PCDHGB3: variants seen among roughly 807,000 people sequenced by gnomAD.
The protein encoded by PCDHGB3 is protocadherin gamma-B3.
In PCDHGB3, 40 loss-of-function variants were observed where a neutral mutation model predicts 59.2. The ratio of observed to expected loss-of-function variants is 0.68; its 90% CI spans 0.52 to 0.88. PCDHGB3 has a LOEUF of 0.88. Among genes scored for constraint, PCDHGB3 ranks in the 40% least tolerant of loss-of-function variants. The pLI is 0.00. For missense variants in PCDHGB3, 1,309 were observed against 1,187.9 expected (o/e 1.10, Z -1.50); for synonymous variants, 581 against 503.6 (o/e 1.15, Z -2.06).
At chr5:141,417,900 G>T (rs563876979) in intron 1 of PCDHGB3, 1 of 1,583,452 alleles carries the variant, frequency 6.3e-7, no homozygotes, top group African/African-American at 1.3e-5. Flanking sequence ...GCCGGCCCGC[G>T]GCAGGTACTA....
intron 1 of PCDHGB3, chr5:141,433,178 A>G: frequency 6.2e-7 from 1 of 1,608,316 alleles, no homozygotes. Context: ...TCATGGGTTA[A>G]TTGAGGTGAG....
At position 141,371,281 on chromosome 5, in the gene PCDHGB3, G is replaced by A; in HGVS notation, c.887G>A (p.Ser296Asn). ...KEVRQLFKLD[S>N]KTGELTTIGE... ...GTGAGACAACTGTTCAAGCTGGACA[G>A]TAAAACGGGGGAACTCACCACTATT... The change falls in exon 1 of 4, where the codon AGT (serine) becomes AAT (asparagine). Residue 296 changes from serine to asparagine, a missense_variant. Coordinates refer to ENST00000576222, the MANE Select transcript of PCDHGB3 (RefSeq NM_018924.5). The A allele has an allele frequency of 6.2e-7, 1 of 1,614,034 alleles. No homozygotes were observed. Among genetic ancestry groups the A allele is most frequent in the Non-Finnish European group, 8.5e-7 (1 of 1,179,892 alleles).
intron 1 of PCDHGB3, among the ~76,000 whole-genome samples, chr5:141,382,076 G>T (rs185685959): frequency 6.6e-6 from 1 of 152,032 alleles, no homozygotes; most frequent in Non-Finnish European, 1.5e-5. Context: ...TGATCCGCCC[G>T]CCTCGGCCTC....
intron 1 of PCDHGB3, chr5:141,419,303 G>A (rs1561779463): frequency 1.2e-6 from 2 of 1,613,970 alleles, no homozygotes; most frequent in Non-Finnish European, 1.7e-6. Flanking sequence ...CCCAGACTTC[G>A]GGCTCAACGG....
intron 1 of PCDHGB3, chr5:141,418,301 C>T: frequency 6.2e-7 from 1 of 1,613,980 alleles, no homozygotes; most frequent in South Asian, 1.1e-5. Context: ...ATCCGTCAGC[C>T]TGGGGATGGG....
chr5:141,419,148 C>G, intron 1 of PCDHGB3: 1 of 1,613,940 alleles, frequency 6.2e-7, no homozygotes. Flanking sequence ...AGGGGCAAGC[C>G]TCCGTTATCC....
intron 1 of PCDHGB3, chr5:141,426,793 A>G: frequency 2.2e-6 from 1 of 456,734 alleles, no homozygotes; most frequent in South Asian, 1.5e-5. Context: ...CAGAGTTACC[A>G]GCTCAGTTCT....
intron 1 of PCDHGB3, chr5:141,385,402 T>A: frequency 6.7e-7 from 1 of 1,488,784 alleles, no homozygotes; most frequent in Non-Finnish European, 8.9e-7. Context: ...AACAAATGTT[T>A]TGAAAATAGG....
Position 141,371,516 on chromosome 5 carries a change from A to C in PCDHGB3, c.1122A>C (p.Leu374=). The C allele has an allele frequency of 3.1e-6, 5 of 1,613,882 alleles. No individual in the cohort carries two copies. Among genetic ancestry groups the C allele is most frequent in the Non-Finnish European group, 4.2e-6 (5 of 1,179,820 alleles). The change falls in exon 1 of 4, where the codon CTA becomes CTC. Residue 374 remains leucine (L), a synonymous_variant. Coordinates refer to ENST00000576222, the MANE Select transcript of PCDHGB3 (RefSeq NM_018924.5). ...TAVALIKTHD[L]DSGFNGEILC... is the part of the protein sequence containing the mutation. Reference sequence around the variant, plus strand: ...TTGCCCTGATCAAAACACATGATCTAGATTCTGGATTTAATGGAGAAATCC... The same window carrying C: ...TTGCCCTGATCAAAACACATGATCTCGATTCTGGATTTAATGGAGAAATCC...
At chr5:141,375,093 T>G (rs1394979484) in intron 1 of PCDHGB3, 18 of 1,613,962 alleles carry the variant, frequency 1.1e-5, no homozygotes, top group Non-Finnish European at 1.4e-5. Flanking sequence ...TTAATAACTA[T>G]CTTGGATGTC....
intron 1 of PCDHGB3, chr5:141,383,110 A>G (rs754398892): frequency 1.9e-6 from 3 of 1,614,020 alleles, no homozygotes; most frequent in South Asian, 1.1e-5. Flanking sequence ...CTCCAGAGGT[A>G]GGACGCAGCT....
chr5:141,372,083 G>T lies in PCDHGB3; in HGVS notation c.1689G>T (p.Leu563=), dbSNP rs1381793721. The change falls in exon 1 of 4, where the codon CTG becomes CTT. Residue 563 remains leucine (L), a synonymous_variant. Coordinates refer to ENST00000576222, the MANE Select transcript of PCDHGB3 (RefSeq NM_018924.5). ...GCAACGACAATGCACCGCTGGTGCT[G>T]TACCCAGCTCTGGGGCCCGAAGGCT... ...DDRNDNAPLV[L]YPALGPEGSA... is the part of the protein sequence containing the mutation. 1 of 1,613,756 alleles carries T rather than the reference G, an allele frequency of 6.2e-7. No homozygotes were observed.
At chr5:141,417,001 A>G (rs1590037654) in intron 1 of PCDHGB3, 1 of 150,924 alleles carries the variant, frequency 6.6e-6, no homozygotes, top group African/African-American at 2.5e-5. Context: ...TTCATCTCAA[A>G]TAATTCTATT....
At chr5:141,450,829 A>ATTAT (rs1554136902) in intron 1 of PCDHGB3, among the ~76,000 whole-genome samples, 14 of 135,142 alleles carry the variant, frequency 1.0e-4, no homozygotes, top group African/African-American at 3.3e-4. Context: ...TATTATTATT[A>ATTAT]TTTTTTTTTT....
chr5:141,388,583 T>G, intron 1 of PCDHGB3: 1 of 1,613,894 alleles, frequency 6.2e-7, no homozygotes, highest in Non-Finnish European at 8.5e-7. Flanking sequence ...TTCTAGTGAC[T>G]GATGCCAATG....
intron 1 of PCDHGB3, among the ~76,000 whole-genome samples, chr5:141,461,345 G>A (rs1277222105): frequency 1.3e-5 from 2 of 152,102 alleles, no homozygotes; most frequent in African/African-American, 4.8e-5. Context: ...CAGGACCAAG[G>A]TGGTAGCTCG....
chr5:141,385,520 G>A, intron 1 of PCDHGB3: 1 of 1,359,080 alleles, frequency 7.4e-7, no homozygotes, highest in African/African-American at 1.5e-5. Flanking sequence ...GAAAGCCTAT[G>A]GACAAGATTA....
chr5:141,499,047 GA>G (rs2099789201), intron 2 of PCDHGB3, among the ~76,000 whole-genome samples: 1 of 151,580 alleles, frequency 6.6e-6, no homozygotes, highest in South Asian at 2.1e-4. Flanking sequence ...GAAAAAGGGA[GA>G]AAAAATGAAG....
At position 141,404,344 on chromosome 5, in the gene PCDHGB3, C is replaced by T. The variant is rs755599341; in HGVS notation, c.2415+31535C>T. 1.1e-5 allele frequency: 18 copies of T among 1,613,954 alleles called. No homozygotes were observed. In the East Asian group the frequency reaches 3.8e-4, roughly 34 times the overall value. ...CCTACTCAGTCTACCTCCCGGAAAA[C>T]AACGCCAGAGGTACTTCCATCTTCT... On this transcript the variant is annotated intron_variant, in intron 1 of 3. Coordinates refer to ENST00000576222, the MANE Select transcript of PCDHGB3 (RefSeq NM_018924.5).
Sources: allele counts gnomAD v4.1 joint callset (sites outside exome capture counted in the v4.1 genomes callset), GRCh38; gene constraint gnomAD v4.1.1; transcripts MANE v1.5; gene names NCBI Gene and HGNC (gene_info 2026-07-23, HGNC 2026-07-21).